The following NCKAP5 variants were observed in gnomAD, a reference collection of about 807,000 sequenced individuals.
NCKAP5 encodes NCK associated protein 5.
In NCKAP5, 92 loss-of-function variants were observed where a neutral mutation model predicts 167.0. The observed-to-expected ratio is 0.55, with a 90% CI of 0.47 to 0.66. NCKAP5 has a LOEUF of 0.66. Ranked by LOEUF, NCKAP5 falls within the 30% of genes least tolerant of loss-of-function variation. The pLI, the probability that NCKAP5 is intolerant of heterozygous loss-of-function variation, is 0.00. For missense variants in NCKAP5, 2,378 were observed against 2,315.0 expected, an observed-to-expected ratio of 1.03 and a Z score of -0.56; for synonymous variants, 891 against 877.4, an observed-to-expected ratio of 1.02 and a Z score of -0.27.
intron 3 of NCKAP5, among the ~76,000 whole-genome samples, chr2:133,470,263 C>A (rs553163995): frequency 6.6e-6 from 1 of 151,852 alleles, no homozygotes; most frequent in African/African-American, 2.4e-5. Flanking sequence ...TGTTGGAATA[C>A]CCTGCCGTGT....
At chr2:133,335,390 C>A (rs1043798303) in intron 3 of NCKAP5, among the ~76,000 whole-genome samples, 1 of 152,164 alleles carries the variant, frequency 6.6e-6, no homozygotes, top group Non-Finnish European at 1.5e-5. Context: ...GGTGCTTTAG[C>A]TGGGCTGGGT....
intron 3 of NCKAP5, among the ~76,000 whole-genome samples, chr2:133,429,900 T>C (rs1690048772): frequency 6.6e-6 from 1 of 152,200 alleles, no homozygotes; most frequent in Non-Finnish European, 1.5e-5. Flanking sequence ...CTCTCCAAAC[T>C]GCTTTCCACA....
At chr2:133,530,406 T>C (rs1291249800) in intron 2 of NCKAP5, among the ~76,000 whole-genome samples, 1 of 152,214 alleles carries the variant, frequency 6.6e-6, no homozygotes. Context: ...TGTGTTCATT[T>C]TTGTCTTCCA....
chr2:133,294,858 CT>C (rs3214583), intron 4 of NCKAP5, among the ~76,000 whole-genome samples: 1 of 151,836 alleles, frequency 6.6e-6, no homozygotes, highest in East Asian at 1.9e-4. Context: ...AAGTAATTAT[CT>C]TTTTTTTGCT....
intron 5 of NCKAP5, among the ~76,000 whole-genome samples, chr2:133,170,885 A>G (rs2084219772): frequency 6.6e-6 from 1 of 151,968 alleles, no homozygotes; most frequent in South Asian, 2.1e-4. Flanking sequence ...CCCAGCAATA[A>G]CTCGTCTCCA....
At chr2:133,046,148 TTGTC>T (rs1334590179) in intron 6 of NCKAP5, among the ~76,000 whole-genome samples, 2 of 152,114 alleles carry the variant, frequency 1.3e-5, no homozygotes, top group Non-Finnish European at 2.9e-5. Flanking sequence ...TGGACCATGG[TTGTC>T]TGTGGGTAGT....
intron 6 of NCKAP5, among the ~76,000 whole-genome samples, chr2:133,121,537 A>G (rs1328454306): frequency 6.6e-6 from 1 of 152,158 alleles, no homozygotes; most frequent in Non-Finnish European, 1.5e-5. Flanking sequence ...CTTAAGCCAG[A>G]CATTTATTTA....
the NCKAP5 span, among the ~76,000 whole-genome samples, chr2:133,670,284 C>G: frequency 6.6e-6 from 1 of 152,180 alleles, no homozygotes; most frequent in Non-Finnish European, 1.5e-5. Context: ...CTCAGTAAAT[C>G]ATAGTGTTAG....
rs1210580313 is a variant in NCKAP5, at chr2:133,548,072, G to A, written c.-62+10978C>T. 1.4e-5 allele frequency among the ~76,000 whole-genome samples: 2 copies of A among 147,162 alleles called. 1 individual carries two copies. The highest frequency in any genetic ancestry group is 4.4e-4 in the South Asian group (2 of 4,588). ...GTGAAAACCAAGGCTTGAGAACTAC[G>A]TGAAGAATGCAGAAGCCTCAGGAGC... On this transcript the variant is annotated intron_variant, in intron 2 of 19. Transcript: ENST00000409261.
At chr2:132,706,898 A>G (rs1688407680) in intron 19 of NCKAP5, among the ~76,000 whole-genome samples, 1 of 152,182 alleles carries the variant, frequency 6.6e-6, no homozygotes, top group Admixed American at 6.5e-5. Context: ...TATGGCGCTT[A>G]AGCATAATAC....
In NCKAP5 at chr2:133,083,682, A is replaced by T. The variant is rs147944997; in HGVS notation, c.341+46296T>A. ...AATTCTGCAGGGAGTACAATATACAAACAGTGTGTGTGAATGAAAAAGAAA... is the reference window on the plus strand; with the variant it reads ...AATTCTGCAGGGAGTACAATATACATACAGTGTGTGTGAATGAAAAAGAAA... On this transcript the variant is annotated intron_variant, in intron 6 of 19. Coordinates refer to ENST00000409261, the MANE Select transcript of NCKAP5 (RefSeq NM_207363.3). 8.7e-4 allele frequency among the ~76,000 whole-genome samples: 132 copies of T among 152,290 alleles called. 1 individual carries two copies. Among genetic ancestry groups the T allele is most frequent in the South Asian group, 4.6e-3 (22 of 4,828 alleles).
intron 5 of NCKAP5, among the ~76,000 whole-genome samples, chr2:133,202,427 C>G (rs1285642302): frequency 6.6e-6 from 1 of 151,994 alleles, no homozygotes; most frequent in African/African-American, 2.4e-5. Context: ...CTAAAACCAT[C>G]AAAACCCTAG....
At chr2:132,790,258 A>G in intron 12 of NCKAP5, 53 bp from the exon 13 acceptor site, 4 of 1,497,628 alleles carry the variant, frequency 2.7e-6, no homozygotes, top group Non-Finnish European at 3.6e-6. Flanking sequence ...GAGAGTAAAT[A>G]TCAACACAAC....
chr2:132,725,618 G>T lies in NCKAP5; in HGVS notation c.5713+9C>A. ...AACCTGCAGGGCCAGCAAGTTCGCTGGTTGTTACCTGGGGCAGCGCTCTTC... is the reference window on the plus strand; with the variant it reads ...AACCTGCAGGGCCAGCAAGTTCGCTTGTTGTTACCTGGGGCAGCGCTCTTC... On this transcript the variant is annotated intron_variant, in intron 19 of 19. Transcript: ENST00000409261. 2 of 1,603,914 alleles carry T rather than the reference G, an allele frequency of 1.2e-6. No individual in the cohort carries two copies. The highest frequency in any genetic ancestry group is 1.7e-6 in the Non-Finnish European group (2 of 1,176,412).
Position 132,782,797 on chromosome 2 carries a change from A to G in NCKAP5, c.4014T>C (p.Val1338=). 6.2e-7 allele frequency: 1 copy of G among 1,613,788 alleles called. No individual in the cohort carries two copies. The highest frequency in any genetic ancestry group is 8.5e-7 in the Non-Finnish European group (1 of 1,179,804). The change falls in exon 14 of 20, where the codon GTT becomes GTC. Residue 1338 remains valine (V), a synonymous_variant. Coordinates refer to ENST00000409261, the MANE Select transcript of NCKAP5 (RefSeq NM_207363.3). ...SAPMLESLPS[V]GRPSGHPSSG... ...AGGAGGGGTGCCCCGAGGGCCTCCCAACACTGGGGAGACTCTCCAACATGG... is the reference window on the plus strand; with the variant it reads ...AGGAGGGGTGCCCCGAGGGCCTCCCGACACTGGGGAGACTCTCCAACATGG...
chr2:133,486,559 C>G (rs1050872306), intron 3 of NCKAP5, among the ~76,000 whole-genome samples: 1 of 152,182 alleles, frequency 6.6e-6, no homozygotes, highest in Non-Finnish European at 1.5e-5. Flanking sequence ...AACATACAGT[C>G]TGAAACAGAA....
intron 3 of NCKAP5, among the ~76,000 whole-genome samples, chr2:133,360,583 A>G (rs1685032231): frequency 6.6e-6 from 1 of 152,174 alleles, no homozygotes; most frequent in African/African-American, 2.4e-5. Context: ...AAGTCTGGAC[A>G]GCAAAGGAGT....
At chr2:132,739,258 G>A (rs975164723) in intron 16 of NCKAP5, among the ~76,000 whole-genome samples, 1 of 152,088 alleles carries the variant, frequency 6.6e-6, no homozygotes, top group African/African-American at 2.4e-5. Context: ...TCACATATCT[G>A]TAATGGTTTG....
the NCKAP5 span, among the ~76,000 whole-genome samples, chr2:133,610,045 C>T: frequency 6.6e-6 from 1 of 152,178 alleles, no homozygotes; most frequent in Non-Finnish European, 1.5e-5. Flanking sequence ...TAAGATAAAT[C>T]AGCATCCCTT....
Sources: allele counts gnomAD v4.1 joint callset (sites outside exome capture counted in the v4.1 genomes callset), GRCh38; gene constraint gnomAD v4.1.1; transcripts MANE v1.5; gene names NCBI Gene and HGNC (gene_info 2026-07-23, HGNC 2026-07-21).